EPGN: variants seen among roughly 807,000 people sequenced by gnomAD.
EPGN encodes the protein epigen.
A neutral mutation model predicts 20.7 loss-of-function variants in EPGN; 21 were observed. The ratio of observed to expected loss-of-function variants is 1.01; its 90% confidence interval spans 0.72 to 1.46. The LOEUF (loss-of-function observed/expected upper bound fraction) is 1.46, where lower values mean the gene tolerates loss of function less well. Ranked by LOEUF, EPGN falls within the 40% of genes most tolerant of loss-of-function variation. The probability of loss-of-function intolerance (pLI) is 0.00; values close to 1 mark genes in which losing one functional copy is unlikely to be tolerated. For missense variants in EPGN, 199 were observed against 180.7 expected, an observed-to-expected ratio of 1.10 and a Z score of -0.58; for synonymous variants, 69 against 63.8, an observed-to-expected ratio of 1.08 and a Z score of -0.39.
intron 4 of EPGN, 86 bp downstream of exon 4, chr4:74,313,256 A>G (rs1751084886): frequency 6.9e-7 from 1 of 1,447,230 alleles, no homozygotes; most frequent in Non-Finnish European, 9.0e-7. Flanking sequence ...TCAGGCACTG[A>G]CATGTAAAAT....
chr4:74,313,702 A>G, intron 4 of EPGN: 1 of 811,360 alleles, frequency 1.2e-6, no homozygotes, highest in Non-Finnish European at 1.5e-6. Context: ...AAATAATTGT[A>G]ATTATTTACA....
chr4:74,316,185 TG>T lies in EPGN; in HGVS notation c.*1549del. ...TGGACCTCAACCCCACCTCTAACCCTGAAACACACTACTCGATATTATCTTA... is the reference window on the plus strand; with the variant it reads ...TGGACCTCAACCCCACCTCTAACCCTAAACACACTACTCGATATTATCTTA... On this transcript the variant is annotated 3_prime_UTR_variant, in exon 5 of 5. Coordinates refer to ENST00000413830, the MANE Select transcript of EPGN (RefSeq NM_001270989.2). Among the ~76,000 whole-genome samples the T allele has an allele frequency of 6.6e-6, 1 of 152,120 alleles. No homozygotes were observed. Among genetic ancestry groups the T allele is most frequent in the Admixed American group, 6.6e-5 (1 of 15,252 alleles).
At chr4:74,314,260 C>A (rs1329462902) in intron 4 of EPGN, 1 of 504,884 alleles carries the variant, frequency 2.0e-6, no homozygotes, top group Non-Finnish European at 3.8e-6. Flanking sequence ...CAGTGTAGAC[C>A]TCTCCCAAGG....
In EPGN at chr4:74,314,716, A is replaced by G. The variant is rs1418712235; in HGVS notation, c.*79A>G. On this transcript the variant is annotated 3_prime_UTR_variant, in exon 5 of 5. Coordinates refer to ENST00000413830, the MANE Select transcript of EPGN (RefSeq NM_001270989.2). ...ATTAAAGTTTTCAGATGAAACAACAAAACTTGTCAAGCTGACTAGACTCGA... is the reference window on the plus strand; with the variant it reads ...ATTAAAGTTTTCAGATGAAACAACAGAACTTGTCAAGCTGACTAGACTCGA... 7.8e-7 allele frequency: 1 copy of G among 1,285,154 alleles called. No homozygotes were observed. The highest frequency in any genetic ancestry group is 1.1e-6 in the Non-Finnish European group (1 of 929,280). The allele number at this position is 1,285,154 out of a possible 1,614,324, so 79.6% of individuals were successfully genotyped here. A position where few individuals can be genotyped will look rare whatever the true frequency, so the allele number is the denominator to read the frequency against.
rs991668907 is a variant in EPGN, at chr4:74,314,965, T to A, written c.*328T>A. On this transcript the variant is annotated 3_prime_UTR_variant, in exon 5 of 5. Transcript: ENST00000413830. ...TGGCTATGTCAGATGTGAATTTTCA[T>A]GGGAATAATAATCAACCTTGCAGCA... The A allele has an allele frequency of 1.3e-5, 4 of 301,630 alleles. No homozygotes were observed. The highest frequency in any genetic ancestry group is 4.9e-5 in the Admixed American group (1 of 20,536). 18.7% of individuals were successfully genotyped at this position (301,630 alleles called of 1,614,324 possible). A position where few individuals can be genotyped will look rare whatever the true frequency, so the allele number is the denominator to read the frequency against.
intron 2 of EPGN, among the ~76,000 whole-genome samples, chr4:74,311,942 T>C (rs1412171116): frequency 2.6e-5 from 4 of 152,142 alleles, no homozygotes; most frequent in African/African-American, 7.2e-5. Context: ...CTGCATTGCT[T>C]CTAAAAAGTG....
chr4:74,313,649 C>G, intron 4 of EPGN: 1 of 986,814 alleles, frequency 1.0e-6, no homozygotes, highest in Non-Finnish European at 1.2e-6. Flanking sequence ...GGGGTATCTT[C>G]AGAAGATACT....
intron 3 of EPGN, 38 bp downstream of exon 3, chr4:74,312,343 G>A (rs1560580169): frequency 6.3e-7 from 1 of 1,589,664 alleles, no homozygotes; most frequent in East Asian, 2.2e-5. Flanking sequence ...AGAGACAGGA[G>A]ATGAGTTTAT....
chr4:74,314,493 C>G, intron 4 of EPGN, 87 bp from the exon 5 acceptor site: 2 of 1,330,406 alleles, frequency 1.5e-6, no homozygotes, highest in Admixed American at 2.0e-5. Context: ...ACACCAAGAG[C>G]AACTGCTGCA....
rs1750721814 is a variant in EPGN at position 74,309,079 on chromosome 4, C to T, written c.44-14C>T. 2 of 1,604,096 alleles carry T rather than the reference C, an allele frequency of 1.2e-6. No individual in the cohort carries two copies. Among genetic ancestry groups the T allele is most frequent in the Non-Finnish European group, 1.7e-6 (2 of 1,172,978 alleles). On this transcript the variant is annotated splice_polypyrimidine_tract_variant and intron_variant, in intron 1 of 4. Transcript: ENST00000413830. ...AGGCTCTCTGTTAAAGATGCTTTTG[C>T]CCCCTTAATACAGCAATGACAGCAC...
At chr4:74,314,494 A>C in intron 4 of EPGN, 86 bp from the exon 5 acceptor site, 1 of 1,343,874 alleles carries the variant, frequency 7.4e-7, no homozygotes, top group Non-Finnish European at 1.0e-6. Flanking sequence ...CACCAAGAGC[A>C]ACTGCTGCAG....
At chr4:74,310,198 G>A (rs897597245) in intron 2 of EPGN, among the ~76,000 whole-genome samples, 1 of 151,514 alleles carries the variant, frequency 6.6e-6, no homozygotes, top group Admixed American at 6.6e-5. Context: ...ACAGTGGCTC[G>A]TGCCTGTAAT....
chr4:74,311,056 C>G (rs1306019775), intron 2 of EPGN, among the ~76,000 whole-genome samples: 1 of 151,766 alleles, frequency 6.6e-6, no homozygotes, highest in Non-Finnish European at 1.5e-5. Context: ...TGTTTTTTAT[C>G]TAACTTAAAA....
At position 74,316,787 on chromosome 4, in the gene EPGN, A is replaced by G. The variant is rs1341668183; in HGVS notation, c.*2150A>G. ...AAGAATTGCCTCCTGATAAAAGGAA[A>G]AAGAAATTAATGCTGGAGTATGGAG... On this transcript the variant is annotated 3_prime_UTR_variant, in exon 5 of 5. Transcript: ENST00000413830. Among the ~76,000 whole-genome samples the G allele has an allele frequency of 6.6e-6, 1 of 152,226 alleles. No individual in the cohort carries two copies. The highest frequency in any genetic ancestry group is 1.5e-5 in the Non-Finnish European group (1 of 68,044).
At chr4:74,310,821 A>G (rs917905841) in intron 2 of EPGN, among the ~76,000 whole-genome samples, 1 of 152,198 alleles carries the variant, frequency 6.6e-6, no homozygotes, top group African/African-American at 2.4e-5. Context: ...AGTTATGCCT[A>G]AAACATTGTA....
intron 1 of EPGN, 136 bp from the exon 2 acceptor site, chr4:74,308,957 A>G (rs1750711519): frequency 4.4e-6 from 3 of 674,474 alleles, no homozygotes; most frequent in Non-Finnish European, 7.7e-6. Flanking sequence ...ATGTTGCCCT[A>G]GTCACGTTAT....
At position 74,314,665 on chromosome 4, in the gene EPGN, C is replaced by G. The variant is rs866927709; in HGVS notation, c.*28C>G. The G allele has an allele frequency of 6.5e-7, 1 of 1,533,242 alleles. No individual in the cohort carries two copies. The highest frequency in any genetic ancestry group is 8.7e-7 in the Non-Finnish European group (1 of 1,144,496). The allele number at this position is 1,533,242 out of a possible 1,614,324, so 95.0% of individuals were successfully genotyped here. On this transcript the variant is annotated 3_prime_UTR_variant, in exon 5 of 5. Transcript: ENST00000413830. The stretch of plus-strand genomic sequence containing the variant: ...CCTTTGTGAAGAATTTTCATCAAGG[C>G]ATCTGTAGAGATCAGTGAGCCCAAA...
chr4:74,309,872 G>T (rs781281517), intron 2 of EPGN, among the ~76,000 whole-genome samples: 5 of 152,084 alleles, frequency 3.3e-5, no homozygotes, highest in Non-Finnish European at 5.9e-5. Flanking sequence ...TCTGCAAATC[G>T]CATCCTGATT....
intron 4 of EPGN, chr4:74,314,213 C>A (rs1245862803): frequency 4.2e-6 from 2 of 478,986 alleles, no homozygotes; most frequent in Admixed American, 4.6e-5. Context: ...AGTGTAGCCC[C>A]AGCCTGATTC....
Sources: gnomAD v4.1 joint callset for allele counts (sites outside exome capture counted in the v4.1 genomes callset) on GRCh38, gnomAD v4.1.1 for gene constraint, MANE v1.5 for transcripts, NCBI Gene and HGNC (gene_info 2026-07-23, HGNC 2026-07-21) for gene names.